Variants in KTN1 observed in about 807,000 individuals in gnomAD.
KTN1 encodes kinectin.
In KTN1, 130 loss-of-function variants were observed where a neutral mutation model predicts 222.5. That is an observed-to-expected ratio of 0.58 (90% CI 0.51 to 0.68). The LOEUF is 0.68. KTN1 is among the 30% of genes least tolerant of loss of function. The probability of loss-of-function intolerance (pLI) is 0.00; values close to 1 mark genes in which losing one functional copy is unlikely to be tolerated. For missense variants in KTN1, 1,508 were observed against 1,500.4 expected, an observed-to-expected ratio of 1.01 and a Z score of -0.08; for synonymous variants, 512 against 496.3, an observed-to-expected ratio of 1.03 and a Z score of -0.42.
At position 55,674,987 on chromosome 14, in the gene KTN1, T is replaced by C. The variant is rs149647655; in HGVS notation, c.3772-848T>C. 1.1e-4 allele frequency: 17 copies of C among 152,300 alleles called. No individual in the cohort carries two copies. In the East Asian group the frequency reaches 2.9e-3, roughly 26 times the overall value. The allele number at this position is 152,300 out of a possible 1,614,324, so 9.4% of individuals were successfully genotyped here. ...ATTTATTTGGGTACTTACATAGAAT[T>C]CCTCAGATAAAATTTCCAAGTGGAA... On this transcript the variant is annotated intron_variant, in intron 40 of 43. Transcript: ENST00000395314.
chr14:55,649,739 G>A (rs1228489432), intron 21 of KTN1, 37 bp from the exon 22 acceptor site: 1 of 1,285,230 alleles, frequency 7.8e-7, no homozygotes, highest in Non-Finnish European at 1.1e-6. Flanking sequence ...TTTCTATTTT[G>A]AACAAATTAC....
chr14:55,641,068 A>C, intron 16 of KTN1, 59 bp from the exon 17 acceptor site: 1 of 1,480,300 alleles, frequency 6.8e-7, no homozygotes, highest in South Asian at 1.2e-5. Context: ...TTGTGCCCAT[A>C]ATTCTTGTAG....
intron 8 of KTN1, among the ~76,000 whole-genome samples, chr14:55,633,734 C>T (rs2040790648): frequency 6.6e-6 from 1 of 152,136 alleles, no homozygotes; most frequent in South Asian, 2.1e-4. Context: ...TCCCAAACTT[C>T]AGTGTTCTGA....
chr14:55,637,107 T>A, intron 10 of KTN1, 91 bp from the exon 11 acceptor site: 1 of 904,166 alleles, frequency 1.1e-6, no homozygotes, highest in Non-Finnish European at 1.6e-6. Flanking sequence ...TCAAAGAAGG[T>A]TTTCTAGAGG....
chr14:55,637,925 A>C, intron 12 of KTN1, 78 bp downstream of exon 12: 1 of 1,040,864 alleles, frequency 9.6e-7, no homozygotes, highest in Admixed American at 2.0e-5. Flanking sequence ...GTTGAGTGCC[A>C]ATTACTGGAT....
rs774238989 is a variant in KTN1, at chr14:55,671,801, A to T, written c.3455A>T (p.Lys1152Met). 3 of 1,610,246 alleles carry T rather than the reference A, an allele frequency of 1.9e-6. No individual in the cohort carries two copies. In the Admixed American group the frequency reaches 5.0e-5, roughly 27 times the overall value. The change falls in exon 37 of 44, where the codon AAG becomes ATG. Residue 1152 changes from lysine to methionine, a missense_variant. Lys to Met is a moderately conservative substitution (Grantham distance 95, BLOSUM62 -1). Transcript: ENST00000395314. ...TGTCTGTAGGAAGGAATTTTACAGA[A>T]GCTACAGAGAAGTGTTGAGCAAGAA... ...VLAETEGILQ[K>M]LQRSVEQEEN...
chr14:55,610,736 A>G (rs1442225705), intron 1 of KTN1, among the ~76,000 whole-genome samples: 1 of 152,230 alleles, frequency 6.6e-6, no homozygotes, highest in Non-Finnish European at 1.5e-5. Context: ...AGTCACTTTT[A>G]TGTGGCTTAT....
chr14:55,586,882 G>T (rs1044363768), intron 1 of KTN1, among the ~76,000 whole-genome samples: 1 of 152,014 alleles, frequency 6.6e-6, no homozygotes, highest in African/African-American at 2.4e-5. Flanking sequence ...TCCTGCATAT[G>T]TTCATTATAA....
chr14:55,593,839 T>C (rs1321167034), intron 1 of KTN1, among the ~76,000 whole-genome samples: 1 of 152,084 alleles, frequency 6.6e-6, no homozygotes, highest in Non-Finnish European at 1.5e-5. Context: ...TCTCTTTTTT[T>C]ACCTTTTTAT....
chr14:55,646,974 C>G lies in KTN1; in HGVS notation c.2174C>G (p.Pro725Arg). ...TTTTTTTGGTGATTTTTATTTTAGC[C>G]TAATAAGGATGTTGTGGAACAAATG... The part of the protein sequence containing the change: ...QKLQTLVSEQ[P>R]NKDVVEQMEK... Residue 725 changes from proline to arginine, a missense_variant and splice_region_variant, in exon 19 of 44, where the codon CCT becomes CGT. By Grantham distance (103) the Pro-to-Arg change is moderately radical (BLOSUM62 -2). Coordinates refer to ENST00000395314, the MANE Select transcript of KTN1 (RefSeq NM_001079521.2). 1 of 1,528,134 alleles carries G rather than the reference C, an allele frequency of 6.5e-7. No individual in the cohort carries two copies. Among genetic ancestry groups the G allele is most frequent in the Admixed American group, 1.7e-5 (1 of 59,076 alleles). The allele number at this position is 1,528,134 out of a possible 1,614,324, so 94.7% of individuals were successfully genotyped here.
intron 5 of KTN1, among the ~76,000 whole-genome samples, chr14:55,623,044 A>T (rs753281134): frequency 9.9e-5 from 15 of 151,950 alleles, no homozygotes; most frequent in Non-Finnish European, 2.2e-4. Flanking sequence ...ATTTCTTTCT[A>T]TGCCCACTTC....
intron 1 of KTN1, 26 bp from the exon 2 acceptor site, chr14:55,611,993 T>TTTG: frequency 9.8e-7 from 1 of 1,024,576 alleles, no homozygotes; most frequent in Admixed American, 3.0e-5. Context: ...TTTTTTTTTT[T>TTTG]TGTCCCCACC....
intron 1 of KTN1, among the ~76,000 whole-genome samples, chr14:55,608,877 G>T (rs1203382409): frequency 6.6e-6 from 1 of 152,058 alleles, no homozygotes; most frequent in African/African-American, 2.4e-5. Context: ...TGATCCGCCT[G>T]CCTCGGCCTC....
intron 34 of KTN1, among the ~76,000 whole-genome samples, chr14:55,669,679 A>G (rs532791309): frequency 1.3e-5 from 2 of 152,044 alleles, no homozygotes; most frequent in African/African-American, 2.4e-5. Context: ...GTTGGGTACC[A>G]ATAGTTGAAA....
intron 40 of KTN1, chr14:55,674,170 C>A (rs1039157914): frequency 6.6e-6 from 1 of 152,024 alleles, no homozygotes; most frequent in Non-Finnish European, 1.5e-5. Context: ...TTATGGCAAA[C>A]ATTTATGGGA....
chr14:55,633,866 T>C (rs2040807936), intron 8 of KTN1, among the ~76,000 whole-genome samples: 1 of 152,020 alleles, frequency 6.6e-6, no homozygotes, highest in African/African-American at 2.4e-5. Flanking sequence ...GGGCCGGGTG[T>C]GGTGGTTCAT....
intron 5 of KTN1, among the ~76,000 whole-genome samples, chr14:55,625,115 A>G (rs1261636594): frequency 1.3e-5 from 2 of 152,158 alleles, no homozygotes; most frequent in African/African-American, 2.4e-5. Context: ...CAGACTTCCC[A>G]AATTCCAGTC....
At chr14:55,642,952 C>T (rs1204625429) in intron 18 of KTN1, among the ~76,000 whole-genome samples, 1 of 151,502 alleles carries the variant, frequency 6.6e-6, no homozygotes, top group Non-Finnish European at 1.5e-5. Context: ...CTCTGTTGCC[C>T]AGGCTGGAGT....
intron 43 of KTN1, chr14:55,681,006 C>T: frequency 3.7e-6 from 1 of 266,952 alleles, no homozygotes; most frequent in East Asian, 8.7e-5. Flanking sequence ...TGAAAACATG[C>T]TCAGATGGCT....
Sources: allele counts gnomAD v4.1 joint callset (sites outside exome capture counted in the v4.1 genomes callset), GRCh38; gene constraint gnomAD v4.1.1; transcripts MANE v1.5; gene names NCBI Gene and HGNC (gene_info 2026-07-23, HGNC 2026-07-21).